Variants in PTPRC observed in about 807,000 individuals in gnomAD.
The protein encoded by PTPRC is receptor-type tyrosine-protein phosphatase C.
In PTPRC, 44 loss-of-function variants were observed where a neutral mutation model predicts 155.9. That is an observed-to-expected ratio of 0.28 (90% CI 0.22 to 0.36). The LOEUF is 0.36. Ranked by LOEUF, PTPRC falls within the 10% of genes least tolerant of loss-of-function variation. PTPRC has a pLI of 1.00. For synonymous variants in PTPRC, 525 were observed against 533.1 expected (o/e 0.98, Z 0.21); for missense variants, 1,401 against 1,564.6 (o/e 0.90, Z 1.76).
At chr1:198,698,403 T>G (rs1244376592) in intron 4 of PTPRC, among the ~76,000 whole-genome samples, 4 of 152,218 alleles carry the variant, frequency 2.6e-5, no homozygotes, top group Non-Finnish European at 4.4e-5. Context: ...CAGGTGATAC[T>G]TCAATTATCT....
intron 23 of PTPRC, among the ~76,000 whole-genome samples, chr1:198,736,063 A>G (rs977578833): frequency 6.6e-6 from 1 of 151,482 alleles, no homozygotes; most frequent in Non-Finnish European, 1.5e-5. Flanking sequence ...TTTGGGGTAC[A>G]TGGTAGGTGT....
At chr1:198,681,806 C>T (rs1348608731) in intron 2 of PTPRC, among the ~76,000 whole-genome samples, 1 of 152,116 alleles carries the variant, frequency 6.6e-6, no homozygotes, top group Non-Finnish European at 1.5e-5. Context: ...ATAAAACTAA[C>T]CTTACTTTTG....
At chr1:198,649,629 A>G (rs925811045) in intron 2 of PTPRC, among the ~76,000 whole-genome samples, 1 of 151,858 alleles carries the variant, frequency 6.6e-6, no homozygotes, top group African/African-American at 2.4e-5. Context: ...AAAATTGGGG[A>G]AGAATTACCT....
intron 3 of PTPRC, among the ~76,000 whole-genome samples, chr1:198,693,424 AAG>A (rs1410297308): frequency 1.3e-5 from 2 of 152,192 alleles, no homozygotes; most frequent in Non-Finnish European, 2.9e-5. Flanking sequence ...ACTTTTACAG[AAG>A]ATAGATTCAT....
chr1:198,644,110 C>T (rs1662799300), intron 2 of PTPRC, among the ~76,000 whole-genome samples: 1 of 151,810 alleles, frequency 6.6e-6, no homozygotes, highest in Non-Finnish European at 1.5e-5. Flanking sequence ...AATTTTTCAT[C>T]AGTGCTGACC....
rs1461445565 is a variant in PTPRC, at chr1:198,756,662, C to G, written c.*481C>G. The G allele has an allele frequency of 6.0e-6, 1 of 165,506 alleles. No homozygotes were observed. The highest frequency in any genetic ancestry group is 1.3e-5 in the Non-Finnish European group (1 of 76,096). 10.3% of individuals were successfully genotyped at this position (165,506 alleles called of 1,614,324 possible). ...ATTTCTGAAATGACCTCAAGATGTC[C>G]TCCTTGTTCTACTCATATATATCTA... On this transcript the variant is annotated 3_prime_UTR_variant, in exon 33 of 33. Transcript: ENST00000442510.
intron 2 of PTPRC, among the ~76,000 whole-genome samples, chr1:198,644,387 C>A (rs907347421): frequency 1.3e-5 from 2 of 151,678 alleles, no homozygotes; most frequent in African/African-American, 4.8e-5. Flanking sequence ...TGATTTGATG[C>A]CTATTTCTAT....
intron 5 of PTPRC, among the ~76,000 whole-genome samples, chr1:198,702,026 C>T (rs1449284995): frequency 6.6e-6 from 1 of 152,240 alleles, no homozygotes; most frequent in Non-Finnish European, 1.5e-5. Context: ...TCTACATGGT[C>T]TCAGCACCAC....
Position 198,697,784 on chromosome 1 carries a change from T to C in PTPRC, c.298+875T>C, listed in dbSNP as rs530356647. Among the ~76,000 whole-genome samples the C allele has an allele frequency of 1.4e-3, 215 of 152,328 alleles. 2 individuals carry two copies. Among genetic ancestry groups the C allele is most frequent in the African/African-American group, 5.0e-3 (207 of 41,580 alleles). ...TATCTTCGTTTGAAAAACAAGCATA[T>C]ATAATACCATCACAGAAATTTTGTT... is the stretch of plus-strand genomic sequence containing the variant. On this transcript the variant is annotated intron_variant, in intron 4 of 32. Transcript: ENST00000442510.
In PTPRC at chr1:198,752,633, A is replaced by G; in HGVS notation, c.3370A>G (p.Asn1124Asp). The change falls in exon 31 of 33, where the codon AAC becomes GAC. Residue 1124 changes from asparagine (N) to aspartate (D), a missense_variant. By Grantham distance (23) the Asn-to-Asp change is conservative. Transcript: ENST00000442510. ...SRTVYQYQYT[N>D]WSVEQLPAEP... ...AACTGTGTACCAGTACCAATATACA[A>G]ACTGGAGTGTGGAGCAGCTTCCTGC... 1 of 1,612,824 alleles carries G rather than the reference A, an allele frequency of 6.2e-7. No individual in the cohort carries two copies. The highest frequency in any genetic ancestry group is 8.5e-7 in the Non-Finnish European group (1 of 1,179,330).
rs180809601 is a variant in PTPRC at position 198,732,435 on chromosome 1, G to T, written c.2065+45G>T. The stretch of plus-strand genomic sequence containing the variant: ...TGAATTCCCATATATTAGGCTACTT[G>T]ATTATTCACTATTTCACTTGTTTAT... On this transcript the variant is annotated intron_variant, in intron 19 of 32. Coordinates refer to ENST00000442510, the MANE Select transcript of PTPRC (RefSeq NM_002838.5). 16 of 1,598,940 alleles carry T rather than the reference G, an allele frequency of 1.0e-5. No homozygotes were observed. In the East Asian group the frequency reaches 3.6e-4, roughly 36 times the overall value.
chr1:198,736,698 A>G (rs1415067861), intron 23 of PTPRC, among the ~76,000 whole-genome samples: 5 of 151,712 alleles, frequency 3.3e-5, no homozygotes, highest in Non-Finnish European at 7.4e-5. Context: ...TTTGCGGTAT[A>G]TACCTAGCAG....
chr1:198,642,091 T>A (rs556344748), intron 2 of PTPRC, among the ~76,000 whole-genome samples: 1 of 152,144 alleles, frequency 6.6e-6, no homozygotes, highest in Non-Finnish European at 1.5e-5. Flanking sequence ...AAGTTTGAAA[T>A]GTACTTTGTT....
At chr1:198,724,529 T>C (rs1389825384) in intron 15 of PTPRC, among the ~76,000 whole-genome samples, 1 of 152,130 alleles carries the variant, frequency 6.6e-6, no homozygotes, top group East Asian at 1.9e-4. Context: ...ATTCTAATTC[T>C]CCCATACAAA....
chr1:198,741,967 G>C lies in PTPRC; in HGVS notation c.2502G>C (p.Leu834=). 6.2e-7 allele frequency: 1 copy of C among 1,611,930 alleles called. No homozygotes were observed. The highest frequency in any genetic ancestry group is 8.5e-7 in the Non-Finnish European group (1 of 1,178,946). The part of the protein sequence containing the change: ...VPEDPHLLLK[L]RRRVNAFSNF... ...AGGATCCTCACTTGCTCCTCAAACTGAGAAGGAGAGTGAATGCCTTCAGCA... is the reference window on the plus strand; with the variant it reads ...AGGATCCTCACTTGCTCCTCAAACTCAGAAGGAGAGTGAATGCCTTCAGCA... The change falls in exon 24 of 33, where the codon CTG becomes CTC. Residue 834 remains leucine (L), a synonymous_variant. Coordinates refer to ENST00000442510, the MANE Select transcript of PTPRC (RefSeq NM_002838.5).
chr1:198,755,883 T>G (rs368527977), intron 32 of PTPRC, 23 bp from the exon 33 acceptor site: 87 of 1,591,012 alleles, frequency 5.5e-5, no homozygotes, highest in Non-Finnish European at 6.6e-5. Flanking sequence ...TTCATGTAAT[T>G]TCCCACTTAA....
intron 27 of PTPRC, among the ~76,000 whole-genome samples, chr1:198,748,456 A>G (rs984975389): frequency 6.6e-6 from 1 of 151,816 alleles, no homozygotes; most frequent in Non-Finnish European, 1.5e-5. Flanking sequence ...ATGGGTTGTC[A>G]TAAAAGAGAA....
intron 11 of PTPRC, among the ~76,000 whole-genome samples, chr1:198,710,923 C>T (rs1054913372): frequency 1.4e-4 from 22 of 152,292 alleles, no homozygotes; most frequent in Admixed American, 6.5e-4. Context: ...GGCGTGATCT[C>T]GGCTCACTGC....
chr1:198,644,747 A>G (rs552345749), intron 2 of PTPRC, among the ~76,000 whole-genome samples: 56 of 151,990 alleles, frequency 3.7e-4, no homozygotes, highest in Admixed American at 7.9e-4. Flanking sequence ...CCTTCAATTG[A>G]TTGATTTCTT....
Sources: allele counts gnomAD v4.1 joint callset (sites outside exome capture counted in the v4.1 genomes callset), GRCh38; gene constraint gnomAD v4.1.1; transcripts MANE v1.5; gene names NCBI Gene and HGNC (gene_info 2026-07-23, HGNC 2026-07-21).